Variants in SPOCK3 observed in about 807,000 individuals in gnomAD.
SPOCK3 encodes SPARC (osteonectin), cwcv and kazal like domains proteoglycan 3, also known as testican-3.
In SPOCK3, 30 loss-of-function variants were observed where a neutral mutation model predicts 56.6. The observed-to-expected ratio is 0.53, with a 90% CI of 0.40 to 0.72. SPOCK3 has a LOEUF of 0.72. Among genes scored for constraint, SPOCK3 ranks in the 30% least tolerant of loss-of-function variants. The pLI is 0.00. For missense variants in SPOCK3, 527 were observed against 530.0 expected, an observed-to-expected ratio of 0.99 and a Z score of 0.06; for synonymous variants, 196 against 183.3, an observed-to-expected ratio of 1.07 and a Z score of -0.56.
Position 167,216,122 on chromosome 4 carries a change from C to G in SPOCK3, c.189+17863G>C, listed in dbSNP as rs186851475. Reference sequence around the variant, plus strand: ...CTTCTTCTGATGAACAGCCACCCTCCAAGTATATGTTACAATATTTGAAGA... The same window carrying G: ...CTTCTTCTGATGAACAGCCACCCTCGAAGTATATGTTACAATATTTGAAGA... On this transcript the variant is annotated intron_variant, in intron 2 of 10. Transcript: ENST00000357545. 4.6e-5 allele frequency among the ~76,000 whole-genome samples: 7 copies of G among 152,136 alleles called. No individual in the cohort carries two copies. In the East Asian group the frequency reaches 1.4e-3, roughly 29 times the overall value.
intron 2 of SPOCK3, among the ~76,000 whole-genome samples, chr4:167,078,647 T>TAAC (rs1403790774): frequency 2.0e-5 from 3 of 151,664 alleles, no homozygotes; most frequent in Non-Finnish European, 4.4e-5. Context: ...ATAATAATAA[T>TAAC]AACCCATAAT....
At chr4:166,790,991 G>T (rs188885943) in intron 7 of SPOCK3, among the ~76,000 whole-genome samples, 18 of 152,132 alleles carry the variant, frequency 1.2e-4, no homozygotes, top group African/African-American at 4.3e-4. Context: ...AAGCTCAAAG[G>T]CATCAAAATA....
intron 2 of SPOCK3, among the ~76,000 whole-genome samples, chr4:167,129,260 C>T (rs1190856751): frequency 6.6e-6 from 1 of 152,190 alleles, no homozygotes; most frequent in African/African-American, 2.4e-5. Flanking sequence ...CATCCCATTA[C>T]ATGAATCAGA....
intron 4 of SPOCK3, among the ~76,000 whole-genome samples, chr4:166,955,555 T>C (rs6823343): frequency 0.16 from 22,895 of 144,786 alleles, 2,625 homozygotes; most frequent in African/African-American, 0.32. Flanking sequence ...TAAATTATAT[T>C]ATATTATTAA....
At chr4:167,191,623 A>AT (rs1732476038) in intron 2 of SPOCK3, among the ~76,000 whole-genome samples, 1 of 144,912 alleles carries the variant, frequency 6.9e-6, no homozygotes, top group African/African-American at 2.6e-5. Flanking sequence ...AATTTTTTAT[A>AT]TTGCTTTGTA....
chr4:167,095,993 GA>G (rs1160084054), intron 2 of SPOCK3, among the ~76,000 whole-genome samples: 2 of 150,958 alleles, frequency 1.3e-5, no homozygotes, highest in East Asian at 1.9e-4. Flanking sequence ...TGATTCTAAA[GA>G]AAAAAAACCA....
chr4:166,927,321 T>C (rs1292616863), intron 4 of SPOCK3, among the ~76,000 whole-genome samples: 1 of 152,114 alleles, frequency 6.6e-6, no homozygotes, highest in Non-Finnish European at 1.5e-5. Flanking sequence ...ACAGTTCCTG[T>C]GGTAGTTCAT....
chr4:166,841,297 G>T (rs998129860), intron 6 of SPOCK3, among the ~76,000 whole-genome samples: 1 of 152,134 alleles, frequency 6.6e-6, no homozygotes, highest in Non-Finnish European at 1.5e-5. Context: ...TGTCTGTGGA[G>T]TTCCAGATGT....
intron 6 of SPOCK3, among the ~76,000 whole-genome samples, chr4:166,838,951 G>T (rs1053307767): frequency 6.6e-5 from 10 of 150,596 alleles, no homozygotes; most frequent in Non-Finnish European, 8.8e-5. Flanking sequence ...AACAAAGCAA[G>T]ACTCCATCTT....
At chr4:167,209,922 C>T (rs10031137) in intron 2 of SPOCK3, among the ~76,000 whole-genome samples, 36,892 of 151,988 alleles carry the variant, frequency 0.24, 5,271 homozygotes, top group African/African-American at 0.39. Flanking sequence ...TATTTTGAAT[C>T]AAATATAGGG....
intron 5 of SPOCK3, among the ~76,000 whole-genome samples, chr4:166,905,526 T>C (rs971656316): frequency 5.9e-5 from 9 of 152,112 alleles, no homozygotes; most frequent in Non-Finnish European, 8.8e-5. Flanking sequence ...TTTTCTTTTT[T>C]TACATGCAAA....
intron 6 of SPOCK3, among the ~76,000 whole-genome samples, chr4:166,800,038 C>T (rs192553496): frequency 3.3e-5 from 5 of 151,610 alleles, no homozygotes; most frequent in Non-Finnish European, 5.9e-5. Flanking sequence ...AAAAATTAGC[C>T]GGGCGTGGTG....
chr4:167,023,384 T>C (rs777594760), intron 3 of SPOCK3, among the ~76,000 whole-genome samples: 1 of 151,878 alleles, frequency 6.6e-6, no homozygotes, highest in African/African-American at 2.4e-5. Flanking sequence ...TTATTGGATA[T>C]TGCAACCACC....
chr4:166,773,807 C>T (rs767261620), intron 7 of SPOCK3, among the ~76,000 whole-genome samples: 1 of 152,196 alleles, frequency 6.6e-6, no homozygotes, highest in Non-Finnish European at 1.5e-5. Context: ...CATAGGCACA[C>T]ATACACATTT....
chr4:166,888,579 AT>A (rs887448256), intron 6 of SPOCK3, among the ~76,000 whole-genome samples: 4 of 152,072 alleles, frequency 2.6e-5, no homozygotes, highest in Non-Finnish European at 4.4e-5. Context: ...AGTTGAATGC[AT>A]TTTATTTTTA....
chr4:166,746,775 G>T (rs924086851), intron 8 of SPOCK3, among the ~76,000 whole-genome samples: 3 of 152,066 alleles, frequency 2.0e-5, no homozygotes, highest in African/African-American at 7.2e-5. Flanking sequence ...GAATCAAATA[G>T]ATGCAATAAA....
At chr4:167,196,521 T>TTTC (rs1732968919) in intron 2 of SPOCK3, among the ~76,000 whole-genome samples, 6 of 152,060 alleles carry the variant, frequency 3.9e-5, no homozygotes, top group African/African-American at 1.2e-4. Context: ...TTCTTTCTTT[T>TTTC]TTTTTTACAT....
At chr4:167,095,696 CTT>C (rs1487287471) in intron 2 of SPOCK3, among the ~76,000 whole-genome samples, 1 of 151,746 alleles carries the variant, frequency 6.6e-6, no homozygotes, top group Non-Finnish European at 1.5e-5. Context: ...AAATTTATAA[CTT>C]AGTCAAAATG....
At chr4:167,225,994 A>G (rs10024858) in intron 2 of SPOCK3, among the ~76,000 whole-genome samples, 60 of 152,284 alleles carry the variant, frequency 3.9e-4, no homozygotes, top group African/African-American at 1.4e-3. Context: ...CATCGGAGGA[A>G]ATACACCAGT....
Sources: gnomAD v4.1 joint callset for allele counts (sites outside exome capture counted in the v4.1 genomes callset) on GRCh38, gnomAD v4.1.1 for gene constraint, MANE v1.5 for transcripts, NCBI Gene and HGNC (gene_info 2026-07-23, HGNC 2026-07-21) for gene names.